Variants in CIP2A observed in about 807,000 individuals in gnomAD.
The protein encoded by CIP2A is cellular inhibitor of PP2A.
Under a neutral mutation model 110.9 loss-of-function variants are expected in CIP2A, and 103 were observed. The observed-to-expected ratio is 0.93, with a 90% CI of 0.79 to 1.09. The LOEUF (loss-of-function observed/expected upper bound fraction) is 1.09. Among genes scored for constraint, CIP2A ranks in the 50% least tolerant of loss-of-function variants. The probability of loss-of-function intolerance (pLI) is 0.00; values close to 1 mark genes in which losing one functional copy is unlikely to be tolerated. For missense variants in CIP2A, 1,088 were observed against 1,038.4 expected, an observed-to-expected ratio of 1.05 and a Z score of -0.66; for synonymous variants, 381 against 361.6, an observed-to-expected ratio of 1.05 and a Z score of -0.61.
At chr3:108,584,403 T>C (rs1242539400) in intron 2 of CIP2A, among the ~76,000 whole-genome samples, 1 of 152,152 alleles carries the variant, frequency 6.6e-6, no homozygotes, top group African/African-American at 2.4e-5. Flanking sequence ...AATGAGATTA[T>C]ACCCTCAAAG....
intron 7 of CIP2A, among the ~76,000 whole-genome samples, chr3:108,577,768 G>A (rs1040991575): frequency 2.0e-5 from 3 of 152,014 alleles, no homozygotes; most frequent in African/African-American, 4.8e-5. Context: ...GCGTGGTGAC[G>A]TGTGCCTGTA....
intron 12 of CIP2A, among the ~76,000 whole-genome samples, chr3:108,563,924 C>T (rs1251570967): frequency 6.6e-6 from 1 of 150,632 alleles, no homozygotes; most frequent in Non-Finnish European, 1.5e-5. Context: ...GTACTTAAAA[C>T]GTTTTGTTTT....
intron 2 of CIP2A, 22 bp downstream of exon 2, chr3:108,585,043 A>G (rs749389804): frequency 6.3e-7 from 1 of 1,593,380 alleles, no homozygotes; most frequent in South Asian, 1.1e-5. Flanking sequence ...AAAAACTAAA[A>G]AGGAGAAATT....
chr3:108,555,007 A>C (rs1001462050), intron 17 of CIP2A, among the ~76,000 whole-genome samples: 1 of 152,228 alleles, frequency 6.6e-6, no homozygotes, highest in Non-Finnish European at 1.5e-5. Flanking sequence ...AAAAAAAACC[A>C]GTAGCCAAAC....
intron 5 of CIP2A, 34 bp from the exon 6 acceptor site, chr3:108,579,722 T>A: frequency 7.3e-7 from 1 of 1,370,816 alleles, no homozygotes; most frequent in Non-Finnish European, 9.8e-7. Flanking sequence ...TAAATTAGAA[T>A]TATAAATTTT....
intron 16 of CIP2A, among the ~76,000 whole-genome samples, chr3:108,559,553 G>C (rs1937927249): frequency 6.6e-6 from 1 of 151,676 alleles, no homozygotes; most frequent in Non-Finnish European, 1.5e-5. Flanking sequence ...AATAACATAG[G>C]AAAATAATAC....
rs1184569455 is a variant in CIP2A, at chr3:108,575,765, CGT to C, written c.894+504_894+505del. 1.9e-4 allele frequency among the ~76,000 whole-genome samples: 10 copies of C among 52,798 alleles called. 2 individuals are homozygous for C. The highest frequency in any genetic ancestry group is 6.3e-4 in the East Asian group (1 of 1,578). The allele number at this position is 52,798 out of a possible 152,430, so 34.6% of individuals were successfully genotyped here. On this transcript the variant is annotated intron_variant, in intron 8 of 20. Transcript: ENST00000295746. Reference sequence around the variant, plus strand: ...ATACTCATATACATGTGTATATATACGTGTATATATACTCATATACATGTGTA... The same window carrying C: ...ATACTCATATACATGTGTATATATACGTATATATACTCATATACATGTGTA...
At chr3:108,574,311 T>C (rs978342839) in intron 8 of CIP2A, among the ~76,000 whole-genome samples, 6 of 152,186 alleles carry the variant, frequency 3.9e-5, no homozygotes, top group East Asian at 3.8e-4. Flanking sequence ...TACTACTGTA[T>C]AGACATTAGA....
intron 11 of CIP2A, among the ~76,000 whole-genome samples, chr3:108,566,247 A>G (rs1332790351): frequency 1.3e-5 from 2 of 151,784 alleles, no homozygotes; most frequent in East Asian, 1.9e-4. Flanking sequence ...CCCTTAGATA[A>G]TTATAGTAAG....
In CIP2A at chr3:108,569,515, G is replaced by A. The variant is rs768228075; in HGVS notation, c.987C>T (p.Ala329=). The change falls in exon 9 of 21, where the codon GCC becomes GCT. Residue 329 remains alanine (A), a synonymous_variant. Transcript: ENST00000295746. Reference sequence around the variant, plus strand: ...AACATTTAGTATGGCTTCCCAGAGTGGCGCTGCCAGGTGGAGACTGTTCAA... The same window carrying A: ...AACATTTAGTATGGCTTCCCAGAGTAGCGCTGCCAGGTGGAGACTGTTCAA... ...MMFEQSPPGS[A]TLGSHTKCLE... is the part of the protein sequence containing the mutation. 4.3e-6 allele frequency: 7 copies of A among 1,612,660 alleles called. No individual in the cohort carries two copies. In the South Asian group the frequency reaches 6.6e-5, roughly 15 times the overall value.
chr3:108,580,593 G>GT (rs1206676502), intron 5 of CIP2A, among the ~76,000 whole-genome samples: 3 of 151,652 alleles, frequency 2.0e-5, no homozygotes, highest in Non-Finnish European at 4.4e-5. Flanking sequence ...TGTTCACCAA[G>GT]CACCTTAAAG....
In CIP2A at chr3:108,585,188, G is replaced by A. The variant is rs902817977; in HGVS notation, c.127C>T (p.Arg43Ter). 13 of 1,610,290 alleles carry A rather than the reference G, an allele frequency of 8.1e-6. No individual in the cohort carries two copies. Among genetic ancestry groups the A allele is most frequent in the South Asian group, 2.2e-5 (2 of 90,276 alleles). The stretch of plus-strand genomic sequence containing the variant: ...AATATCTGATTTGATGTAAATAGTC[G>A]TGTGAGTTTCTGTCCAGAAATTACC... The part of the protein sequence containing the change: ...LEVISGQKLT[R>*]LFTSNQILTS... Residue 43 changes from arginine (R) to a stop codon, truncating the protein, a stop_gained, in exon 2 of 21, where the codon CGA becomes TGA. Transcript: ENST00000295746. LOFTEE classifies it high-confidence loss of function.
chr3:108,579,375 G>A lies in CIP2A; in HGVS notation c.724C>T (p.Leu242Phe), dbSNP rs1402912513. ...GTTAGAGTGCCATCACCGTTTATGA[G>A]AATATTAAATATTAGTTGAAAAGTC... ...HQTFQLIFNILINGDGTLTRK... is the reference protein window; with the variant it reads ...HQTFQLIFNIFINGDGTLTRK... Residue 242 changes from leucine (L) to phenylalanine (F), a missense_variant, in exon 7 of 21, where the codon CTC becomes TTC. Physicochemically the swap from Leu to Phe is conservative, Grantham distance 22. Coordinates refer to ENST00000295746, the MANE Select transcript of CIP2A (RefSeq NM_020890.3). 6.2e-7 allele frequency: 1 copy of A among 1,605,550 alleles called. No individual in the cohort carries two copies. The highest frequency in any genetic ancestry group is 2.2e-5 in the East Asian group (1 of 44,636).
chr3:108,575,581 C>T (rs1938575672), intron 8 of CIP2A, among the ~76,000 whole-genome samples: 1 of 148,782 alleles, frequency 6.7e-6, no homozygotes, highest in Admixed American at 6.6e-5. Context: ...TACTCATATA[C>T]ATGTGTATAT....
chr3:108,575,956 GTATA>G (rs556267453), intron 8 of CIP2A, among the ~76,000 whole-genome samples: 2 of 149,734 alleles, frequency 1.3e-5, no homozygotes, highest in African/African-American at 2.5e-5. Context: ...ACATATATGT[GTATA>G]TATATGTGTA....
intron 8 of CIP2A, among the ~76,000 whole-genome samples, chr3:108,570,239 A>T: frequency 7.0e-6 from 1 of 143,760 alleles, no homozygotes; most frequent in East Asian, 2.4e-4. Flanking sequence ...AAATTTCTTA[A>T]GATCTCCTTG....
At chr3:108,581,126 A>G (rs1246357559) in intron 5 of CIP2A, among the ~76,000 whole-genome samples, 1 of 152,218 alleles carries the variant, frequency 6.6e-6, no homozygotes, top group African/African-American at 2.4e-5. Context: ...TAATTTAGTA[A>G]TTCTTGTACT....
Position 108,550,225 on chromosome 3 carries a change from AT to A in CIP2A, c.*923del, listed in dbSNP as rs1290343371. 1.3e-4 allele frequency: 19 copies of A among 151,652 alleles called. No individual in the cohort carries two copies. Among genetic ancestry groups the A allele is most frequent in the African/African-American group, 3.6e-4 (15 of 41,450 alleles). 9.4% of individuals were successfully genotyped at this position (151,652 alleles called of 1,614,324 possible). On this transcript the variant is annotated 3_prime_UTR_variant, in exon 21 of 21. Transcript: ENST00000295746. ...GAAGGACCCTTGTATTTTAAAAAAA[AT>A]AAAGATATTTAACCTATGCTTTAAA...
chr3:108,563,359 G>C, intron 12 of CIP2A, 115 bp from the exon 13 acceptor site: 1 of 688,738 alleles, frequency 1.5e-6, no homozygotes, highest in Non-Finnish European at 2.6e-6. Context: ...ATTCTAAAAT[G>C]TTTCTAATGT....
Sources: gnomAD v4.1 joint callset for allele counts (sites outside exome capture counted in the v4.1 genomes callset) on GRCh38, gnomAD v4.1.1 for gene constraint, MANE v1.5 for transcripts, NCBI Gene and HGNC (gene_info 2026-07-23, HGNC 2026-07-21) for gene names.